CDK14: variants seen among roughly 807,000 people sequenced by gnomAD.
CDK14 encodes the protein cyclin dependent kinase 14.
CDK14 carries 34 observed loss-of-function variants against 60.7 expected under a neutral mutation model. The ratio of observed to expected loss-of-function variants is 0.56; its 90% CI spans 0.43 to 0.75. The LOEUF is 0.75. CDK14 is among the 30% of genes least tolerant of loss of function. CDK14 has a pLI of 0.00. For missense variants in CDK14, 482 were observed against 564.1 expected (o/e 0.85, Z 1.47); for synonymous variants, 197 against 203.7 (o/e 0.97, Z 0.28).
intron 2 of CDK14, among the ~76,000 whole-genome samples, chr7:90,725,590 AG>A (rs1289268044): frequency 6.6e-6 from 1 of 152,170 alleles, no homozygotes; most frequent in Non-Finnish European, 1.5e-5. Context: ...GATAGCATAT[AG>A]GGATGTGGGA....
intron 3 of CDK14, among the ~76,000 whole-genome samples, chr7:90,729,213 C>T (rs1487305928): frequency 1.3e-5 from 2 of 151,936 alleles, no homozygotes; most frequent in East Asian, 1.9e-4. Flanking sequence ...CTTAAATTCA[C>T]TCCAACTAAT....
At chr7:91,118,011 A>G (rs1799659247) in intron 13 of CDK14, 54 bp from the exon 14 acceptor site, 6 of 1,023,536 alleles carry the variant, frequency 5.9e-6, no homozygotes, top group Admixed American at 2.3e-5. Context: ...AAAAAAAAAC[A>G]TGATTATAAA....
intron 14 of CDK14, among the ~76,000 whole-genome samples, chr7:91,146,064 CAA>C (rs1235104731): frequency 6.6e-6 from 1 of 152,068 alleles, no homozygotes; most frequent in Non-Finnish European, 1.5e-5. Flanking sequence ...TCAAAATAGA[CAA>C]TGATGGTTTA....
intron 1 of CDK14, among the ~76,000 whole-genome samples, chr7:90,598,410 T>C (rs1799240249): frequency 6.6e-6 from 1 of 152,212 alleles, no homozygotes; most frequent in Non-Finnish European, 1.5e-5. Context: ...ATCCAACTCT[T>C]GTTAAAATGT....
chr7:90,659,825 G>A (rs934031233), intron 2 of CDK14, among the ~76,000 whole-genome samples: 1 of 143,850 alleles, frequency 7.0e-6, no homozygotes, highest in South Asian at 2.3e-4. Flanking sequence ...GAATCCTGGA[G>A]CCAGGGAATG....
At chr7:90,726,322 C>G (rs1039394322) in intron 2 of CDK14, 15 of 982,608 alleles carry the variant, frequency 1.5e-5, no homozygotes, top group Non-Finnish European at 1.8e-5. Context: ...CAGCCTGGGC[C>G]TTAAGTTTCT....
At chr7:90,780,614 C>A (rs542367581) in intron 4 of CDK14, among the ~76,000 whole-genome samples, 3 of 141,302 alleles carry the variant, frequency 2.1e-5, no homozygotes, top group Non-Finnish European at 4.5e-5. Flanking sequence ...TGTGATGTTC[C>A]CCTTCCTGTG....
intron 4 of CDK14, among the ~76,000 whole-genome samples, chr7:90,785,442 G>A (rs917415710): frequency 6.6e-6 from 1 of 152,036 alleles, no homozygotes; most frequent in Non-Finnish European, 1.5e-5. Flanking sequence ...AGCTAAGTGG[G>A]GAGTTTTCCT....
chr7:91,131,692 C>T (rs1014250917), intron 14 of CDK14, among the ~76,000 whole-genome samples: 1 of 152,144 alleles, frequency 6.6e-6, no homozygotes, highest in African/African-American at 2.4e-5. Flanking sequence ...GGGCATCTGA[C>T]AGCGTGTGGA....
At chr7:91,040,241 C>T (rs997893630) in intron 10 of CDK14, among the ~76,000 whole-genome samples, 3 of 152,132 alleles carry the variant, frequency 2.0e-5, no homozygotes, top group African/African-American at 4.8e-5. Context: ...ACCTGATTAT[C>T]GTTTTTCCAG....
intron 10 of CDK14, among the ~76,000 whole-genome samples, chr7:91,017,471 A>G (rs1796329369): frequency 6.6e-6 from 1 of 152,152 alleles, no homozygotes; most frequent in African/African-American, 2.4e-5. Flanking sequence ...AATAATTTTT[A>G]AAGTTGGAGT....
At chr7:91,135,530 C>T (rs759346234) in intron 14 of CDK14, among the ~76,000 whole-genome samples, 7 of 152,018 alleles carry the variant, frequency 4.6e-5, no homozygotes, top group Non-Finnish European at 8.8e-5. Flanking sequence ...GACAAGGGAG[C>T]CATGTATAGC....
At chr7:90,782,987 G>A (rs1584888127) in intron 4 of CDK14, among the ~76,000 whole-genome samples, 1 of 152,170 alleles carries the variant, frequency 6.6e-6, no homozygotes, top group Middle Eastern at 3.4e-3. Context: ...ACTTTTAATT[G>A]CAAGATGATA....
chr7:90,827,034 T>C (rs1016287462), intron 5 of CDK14, among the ~76,000 whole-genome samples: 2 of 152,078 alleles, frequency 1.3e-5, no homozygotes, highest in Non-Finnish European at 2.9e-5. Flanking sequence ...TACAGTATCA[T>C]GCAGAATACT....
intron 12 of CDK14, among the ~76,000 whole-genome samples, chr7:91,098,120 CATA>C (rs1475370251): frequency 6.6e-6 from 1 of 152,188 alleles, no homozygotes; most frequent in Non-Finnish European, 1.5e-5. Context: ...TTGCTTTAGA[CATA>C]AGCCGTTTAT....
intron 12 of CDK14, among the ~76,000 whole-genome samples, chr7:91,086,666 T>G (rs1302664974): frequency 6.6e-6 from 1 of 151,588 alleles, no homozygotes. Context: ...TGTGGGTGTG[T>G]GTGTGTGTGT....
intron 2 of CDK14, among the ~76,000 whole-genome samples, chr7:90,681,327 C>G (rs1584789994): frequency 6.6e-6 from 1 of 152,098 alleles, no homozygotes; most frequent in Non-Finnish European, 1.5e-5. Flanking sequence ...AAACTGAGAG[C>G]TATTTAGGAA....
At chr7:91,117,991 C>T (rs966869502) in intron 13 of CDK14, 74 bp from the exon 14 acceptor site, 3 of 816,532 alleles carry the variant, frequency 3.7e-6, no homozygotes, top group African/African-American at 3.5e-5. Context: ...TCTCAGTCTC[C>T]ATTTTTTTAA....
intron 5 of CDK14, among the ~76,000 whole-genome samples, chr7:90,803,289 G>A (rs546948666): frequency 6.6e-6 from 1 of 152,224 alleles, no homozygotes; most frequent in South Asian, 2.1e-4. Context: ...TCAACATGCA[G>A]ATTTTTATTG....
Sources: allele counts gnomAD v4.1 joint callset (sites outside exome capture counted in the v4.1 genomes callset), GRCh38; gene constraint gnomAD v4.1.1; transcripts MANE v1.5; gene names NCBI Gene and HGNC (gene_info 2026-07-23, HGNC 2026-07-21).